Variants in PTPRD observed in about 807,000 individuals in gnomAD.
PTPRD encodes protein tyrosine phosphatase receptor type D.
A neutral mutation model predicts 214.5 loss-of-function variants in PTPRD; 34 were observed. The observed-to-expected ratio is 0.16, with a 90% CI of 0.12 to 0.21. The LOEUF (loss-of-function observed/expected upper bound fraction) is 0.21, where lower values mean the gene tolerates loss of function less well. Ranked by LOEUF, PTPRD falls within the 10% of genes least tolerant of loss-of-function variation. The pLI is 1.00. For synonymous variants in PTPRD, 1,128 were observed against 845.7 expected, an observed-to-expected ratio of 1.33 and a Z score of -5.79; for missense variants, 2,545 against 2,398.7, an observed-to-expected ratio of 1.06 and a Z score of -1.27.
intron 5 of PTPRD, among the ~76,000 whole-genome samples, chr9:9,901,590 A>G (rs2076407990): frequency 1.3e-5 from 2 of 152,194 alleles, no homozygotes; most frequent in Admixed American, 1.3e-4. Flanking sequence ...ATTAAAATAA[A>G]TAAATTCTTA....
intron 3 of PTPRD, among the ~76,000 whole-genome samples, chr9:10,082,689 T>A (rs1567565026): frequency 6.6e-6 from 1 of 151,736 alleles, no homozygotes; most frequent in Non-Finnish European, 1.5e-5. Context: ...TACATGAACT[T>A]AAGAACAGCT....
chr9:10,304,400 A>C (rs1011357069), intron 3 of PTPRD, among the ~76,000 whole-genome samples: 1 of 152,156 alleles, frequency 6.6e-6, no homozygotes, highest in African/African-American at 2.4e-5. Flanking sequence ...ATAGTATTGG[A>C]AGTTCTGGCC....
intron 7 of PTPRD, among the ~76,000 whole-genome samples, chr9:9,582,125 C>G (rs1318433536): frequency 6.6e-6 from 1 of 151,994 alleles, no homozygotes; most frequent in Non-Finnish European, 1.5e-5. Flanking sequence ...ATGGCAGAAA[C>G]TTCTAGTTAT....
At chr9:9,666,938 G>C (rs986092105) in intron 7 of PTPRD, among the ~76,000 whole-genome samples, 2 of 151,886 alleles carry the variant, frequency 1.3e-5, no homozygotes, top group African/African-American at 4.8e-5. Flanking sequence ...TTGGGTTATA[G>C]GAACTACTGA....
At chr9:8,479,737 A>G (rs535474847) in intron 30 of PTPRD, among the ~76,000 whole-genome samples, 1 of 152,226 alleles carries the variant, frequency 6.6e-6, no homozygotes, top group Non-Finnish European at 1.5e-5. Context: ...TAAATAAAAG[A>G]AAGTATTGAA....
intron 7 of PTPRD, among the ~76,000 whole-genome samples, chr9:9,662,986 A>G (rs1197198544): frequency 6.6e-6 from 1 of 151,620 alleles, no homozygotes; most frequent in Non-Finnish European, 1.5e-5. Flanking sequence ...TTCTTTATGC[A>G]TAAGTTTATT....
chr9:9,786,699 C>G (rs2098926897), intron 5 of PTPRD, among the ~76,000 whole-genome samples: 1 of 152,028 alleles, frequency 6.6e-6, no homozygotes, highest in African/African-American at 2.4e-5. Flanking sequence ...GTGCAGCACA[C>G]CAACATGGCA....
At chr9:8,544,328 T>A (rs1284853950) in intron 14 of PTPRD, among the ~76,000 whole-genome samples, 2 of 151,646 alleles carry the variant, frequency 1.3e-5, no homozygotes, top group Non-Finnish European at 2.9e-5. Flanking sequence ...GTAATCCGCC[T>A]GTATCGGCCT....
At chr9:9,248,427 T>G (rs1407731375) in intron 9 of PTPRD, among the ~76,000 whole-genome samples, 1 of 152,056 alleles carries the variant, frequency 6.6e-6, no homozygotes, top group Non-Finnish European at 1.5e-5. Flanking sequence ...AAGTTGCATT[T>G]TATAACATTT....
intron 11 of PTPRD, among the ~76,000 whole-genome samples, chr9:8,988,029 G>A (rs1042361893): frequency 3.9e-5 from 6 of 152,108 alleles, no homozygotes; most frequent in South Asian, 2.1e-4. Context: ...GAGAGGCCGG[G>A]GGAGATGTAA....
At chr9:8,845,483 T>C (rs113408270) in intron 11 of PTPRD, among the ~76,000 whole-genome samples, 1 of 152,150 alleles carries the variant, frequency 6.6e-6, no homozygotes, top group South Asian at 2.1e-4. Context: ...TTTCTAACAA[T>C]AGGAAATACA....
At chr9:8,342,070 C>G in intron 39 of PTPRD, 92 bp from the exon 40 acceptor site, 1 of 1,284,556 alleles carries the variant, frequency 7.8e-7, no homozygotes, top group Non-Finnish European at 1.0e-6. Context: ...TTAACTAGAC[C>G]TTACATCCAT....
rs553620596 is a variant in PTPRD, at chr9:9,260,056, C to T, written c.-202-76693G>A. 1.2e-4 allele frequency among the ~76,000 whole-genome samples: 18 copies of T among 151,910 alleles called. No homozygotes were observed. The East Asian group carries it at 3.5e-3, about 30-fold the overall frequency. On this transcript the variant is annotated intron_variant, in intron 9 of 45. Transcript: ENST00000381196. The stretch of plus-strand genomic sequence containing the variant: ...ATAATGGAGAGAATGCCAGAAAAGT[C>T]TGTGGGACAAAAAACTGTTTTATGA...
At chr9:8,819,059 G>T (rs1043375923) in intron 11 of PTPRD, among the ~76,000 whole-genome samples, 1 of 152,042 alleles carries the variant, frequency 6.6e-6, no homozygotes, top group African/African-American at 2.4e-5. Context: ...AGAAAATGAT[G>T]GTTTAACAAG....
intron 2 of PTPRD, among the ~76,000 whole-genome samples, chr9:10,359,959 T>C (rs2097346692): frequency 6.6e-6 from 1 of 152,222 alleles, no homozygotes; most frequent in Non-Finnish European, 1.5e-5. Context: ...AAAGCTGCAT[T>C]TGAATCTTTT....
At chr9:9,272,921 A>T (rs568133803) in intron 9 of PTPRD, among the ~76,000 whole-genome samples, 41 of 151,402 alleles carry the variant, frequency 2.7e-4, no homozygotes, top group Non-Finnish European at 5.3e-4. Flanking sequence ...TACAAGCTTG[A>T]GGTAATTTAT....
At chr9:8,777,352 T>G (rs2095527188) in intron 11 of PTPRD, among the ~76,000 whole-genome samples, 1 of 151,472 alleles carries the variant, frequency 6.6e-6, no homozygotes, top group Non-Finnish European at 1.5e-5. Context: ...TCTTTTATAT[T>G]TCCTTCTGGA....
chr9:9,448,242 G>C (rs1468128365), intron 8 of PTPRD, among the ~76,000 whole-genome samples: 1 of 152,026 alleles, frequency 6.6e-6, no homozygotes, highest in Non-Finnish European at 1.5e-5. Context: ...TGAACACTCT[G>C]ATACGGTTTG....
At chr9:10,262,823 G>GTGTGATA (rs1165205727) in intron 3 of PTPRD, among the ~76,000 whole-genome samples, 1 of 152,166 alleles carries the variant, frequency 6.6e-6, no homozygotes, top group Non-Finnish European at 1.5e-5. Context: ...GATGCTTGAT[G>GTGTGATA]TGTGATATGG....
Sources: allele counts gnomAD v4.1 joint callset (sites outside exome capture counted in the v4.1 genomes callset), GRCh38; gene constraint gnomAD v4.1.1; transcripts MANE v1.5; gene names NCBI Gene and HGNC (gene_info 2026-07-23, HGNC 2026-07-21).